The following SNTG1 variants were observed in gnomAD, a reference collection of about 807,000 sequenced individuals.
SNTG1 encodes gamma-1-syntrophin.
A neutral mutation model predicts 74.7 loss-of-function variants in SNTG1; 39 were observed. The observed-to-expected ratio is 0.52, with a 90% CI of 0.40 to 0.68. The LOEUF (loss-of-function observed/expected upper bound fraction) is 0.68, where lower values mean the gene tolerates loss of function less well. Ranked by LOEUF, SNTG1 falls within the 30% of genes least tolerant of loss-of-function variation. SNTG1 has a pLI of 0.00. For synonymous variants in SNTG1, 254 were observed against 217.1 expected (o/e 1.17, Z -1.49); for missense variants, 685 against 609.5 (o/e 1.12, Z -1.30).
At position 50,411,987 on chromosome 8, in the gene SNTG1, T is replaced by C. The variant is rs115420336; in HGVS notation, c.162+9643T>C. Among the ~76,000 whole-genome samples the C allele has an allele frequency of 9.0e-3, 1,376 of 152,222 alleles. 27 individuals carry two copies. The highest frequency in any genetic ancestry group is 0.031 in the African/African-American group (1,304 of 41,512). On this transcript the variant is annotated intron_variant, in intron 4 of 18. Coordinates refer to ENST00000642720, the MANE Select transcript of SNTG1 (RefSeq NM_018967.5). ...TTAGGATAGACAGAACAGATGCAGT[T>C]GGAGGTGTTGGTGTTGTTATTTGAA... is the stretch of plus-strand genomic sequence containing the variant.
intron 2 of SNTG1, 26 bp downstream of exon 2, chr8:50,172,661 T>C (rs1404891769): frequency 6.6e-6 from 1 of 152,060 alleles, no homozygotes; most frequent in African/African-American, 2.4e-5. Flanking sequence ...TGCAATAACG[T>C]ATCATGTGTA....
intron 1 of SNTG1, among the ~76,000 whole-genome samples, chr8:49,986,952 A>T (rs1346287359): frequency 6.6e-6 from 1 of 152,210 alleles, no homozygotes; most frequent in East Asian, 1.9e-4. Context: ...TCTGTAATAG[A>T]TGCTGAGATT....
intron 2 of SNTG1, among the ~76,000 whole-genome samples, chr8:50,347,516 G>A (rs892844307): frequency 1.3e-5 from 2 of 152,126 alleles, no homozygotes; most frequent in South Asian, 2.1e-4. Context: ...TATCTATTCC[G>A]CAGTCCATTA....
chr8:49,942,077 A>G (rs1808742545), intron 1 of SNTG1, among the ~76,000 whole-genome samples: 1 of 152,192 alleles, frequency 6.6e-6, no homozygotes, highest in African/African-American at 2.4e-5. Context: ...TACGCTAAAT[A>G]TAGACTAGGA....
chr8:50,733,630 T>G (rs2095518432), intron 17 of SNTG1, among the ~76,000 whole-genome samples: 1 of 151,968 alleles, frequency 6.6e-6, no homozygotes, highest in Admixed American at 6.6e-5. Context: ...TTTTGACAAG[T>G]GTGAAATGGT....
intron 1 of SNTG1, among the ~76,000 whole-genome samples, chr8:49,972,017 T>G (rs1202126252): frequency 1.3e-5 from 2 of 152,176 alleles, no homozygotes; most frequent in African/African-American, 4.8e-5. Context: ...AAAAACTACT[T>G]TCAAGTTCAT....
intron 18 of SNTG1, among the ~76,000 whole-genome samples, chr8:50,765,538 T>A (rs900629399): frequency 3.3e-5 from 5 of 151,964 alleles, no homozygotes; most frequent in Non-Finnish European, 5.9e-5. Context: ...TTTATGTATG[T>A]TGTCCAGGGT....
chr8:50,746,247 T>C (rs1467998569), intron 17 of SNTG1, among the ~76,000 whole-genome samples: 2 of 151,990 alleles, frequency 1.3e-5, no homozygotes, highest in African/African-American at 4.8e-5. Context: ...AGTCATGCTT[T>C]TCTTCACATA....
chr8:50,457,668 G>T (rs184086316), intron 8 of SNTG1, among the ~76,000 whole-genome samples: 4 of 152,154 alleles, frequency 2.6e-5, no homozygotes, highest in African/African-American at 4.8e-5. Flanking sequence ...GACAAGACGG[G>T]GGGAATCCTG....
intron 2 of SNTG1, among the ~76,000 whole-genome samples, chr8:50,376,746 T>TAGAGAG (rs1383678131): frequency 8.1e-5 from 9 of 111,034 alleles, no homozygotes; most frequent in Middle Eastern, 5.1e-3. Context: ...TATATATATA[T>TAGAGAG]ATATATATAT....
At chr8:50,549,358 T>C (rs2094409882) in intron 11 of SNTG1, among the ~76,000 whole-genome samples, 1 of 152,114 alleles carries the variant, frequency 6.6e-6, no homozygotes, top group Non-Finnish European at 1.5e-5. Flanking sequence ...TATTTCTTTC[T>C]TTCCTTCAAT....
At chr8:49,983,566 A>G (rs1812873000) in intron 1 of SNTG1, among the ~76,000 whole-genome samples, 1 of 152,176 alleles carries the variant, frequency 6.6e-6, no homozygotes, top group African/African-American at 2.4e-5. Flanking sequence ...AAATGAGATA[A>G]TATGTATAAG....
chr8:50,698,284 T>C (rs78056006), intron 15 of SNTG1, among the ~76,000 whole-genome samples: 1,887 of 152,084 alleles, frequency 0.012, 16 homozygotes, highest in Non-Finnish European at 0.019. Context: ...CCAAGAGGAG[T>C]GAGATGTGAT....
chr8:50,458,373 T>G lies in SNTG1; in HGVS notation c.363+7644T>G, dbSNP rs149810503. ...GCTCTTGGATATTAACACTTTGATA[T>G]CTATCTTCAAAAATTAGATTACAAA... On this transcript the variant is annotated intron_variant, in intron 8 of 18. Coordinates refer to ENST00000642720, the MANE Select transcript of SNTG1 (RefSeq NM_018967.5). 7.0e-3 allele frequency among the ~76,000 whole-genome samples: 1,062 copies of G among 152,288 alleles called. 16 individuals are homozygous for G. Among genetic ancestry groups the G allele is most frequent in the African/African-American group, 0.024 (1,001 of 41,550 alleles).
intron 8 of SNTG1, among the ~76,000 whole-genome samples, chr8:50,473,975 T>C (rs1251702435): frequency 1.3e-5 from 2 of 152,084 alleles, no homozygotes. Context: ...AGTTTTTTTT[T>C]TTCTTTTCCC....
intron 12 of SNTG1, among the ~76,000 whole-genome samples, chr8:50,582,912 C>G (rs768768074): frequency 1.6e-4 from 24 of 151,932 alleles, no homozygotes; most frequent in Non-Finnish European, 3.1e-4. Context: ...CTATAGTTTT[C>G]TAGAAATCAA....
At chr8:50,244,110 G>T (rs2086285350) in intron 2 of SNTG1, among the ~76,000 whole-genome samples, 1 of 152,096 alleles carries the variant, frequency 6.6e-6, no homozygotes, top group African/African-American at 2.4e-5. Flanking sequence ...ATAGCAGAAA[G>T]TGAAGTGGGA....
intron 13 of SNTG1, among the ~76,000 whole-genome samples, chr8:50,608,522 C>G (rs756640351): frequency 1.3e-5 from 2 of 151,682 alleles, no homozygotes; most frequent in Admixed American, 1.3e-4. Flanking sequence ...TTTTCCATCT[C>G]TCTTATGGTT....
intron 2 of SNTG1, among the ~76,000 whole-genome samples, chr8:50,345,364 G>A (rs1563923640): frequency 6.6e-6 from 1 of 152,150 alleles, no homozygotes; most frequent in Non-Finnish European, 1.5e-5. Flanking sequence ...TTTAGTGCCT[G>A]CGAGTGGTCC....
Sources: gnomAD v4.1 joint callset for allele counts (sites outside exome capture counted in the v4.1 genomes callset) on GRCh38, gnomAD v4.1.1 for gene constraint, MANE v1.5 for transcripts, NCBI Gene and HGNC (gene_info 2026-07-23, HGNC 2026-07-21) for gene names.